SLC25A21: variants seen among roughly 807,000 people sequenced by gnomAD.
The protein encoded by SLC25A21 is solute carrier family 25 member 21.
In SLC25A21, 47 loss-of-function variants were observed where a neutral mutation model predicts 43.8. That is an observed-to-expected ratio of 1.07 (90% CI 0.85 to 1.37). The LOEUF (loss-of-function observed/expected upper bound fraction) is 1.37, where lower values mean the gene tolerates loss of function less well. Ranked by LOEUF, SLC25A21 falls within the 40% of genes most tolerant of loss-of-function variation. SLC25A21 has a pLI of 0.00. For synonymous variants in SLC25A21, 131 were observed against 121.3 expected, an observed-to-expected ratio of 1.08 and a Z score of -0.52; for missense variants, 352 against 350.2, an observed-to-expected ratio of 1.00 and a Z score of -0.04.
At chr14:37,059,046 A>G (rs1961889088) in intron 1 of SLC25A21, among the ~76,000 whole-genome samples, 1 of 152,242 alleles carries the variant, frequency 6.6e-6, no homozygotes, top group Admixed American at 6.5e-5. Context: ...TTGTTACACC[A>G]TAATTATTCA....
chr14:36,724,465 A>T (rs1884507258), intron 6 of SLC25A21, among the ~76,000 whole-genome samples: 1 of 152,204 alleles, frequency 6.6e-6, no homozygotes, highest in Non-Finnish European at 1.5e-5. Flanking sequence ...TTTCCTACAG[A>T]AAGATCAGGT....
At chr14:36,988,489 G>C (rs72667347) in intron 1 of SLC25A21, among the ~76,000 whole-genome samples, 10,698 of 152,120 alleles carry the variant, frequency 0.07, 408 homozygotes, top group Admixed American at 0.083. Flanking sequence ...GGAACATCTG[G>C]GAATATAGAA....
intron 1 of SLC25A21, among the ~76,000 whole-genome samples, chr14:37,137,105 A>G (rs891210198): frequency 1.2e-4 from 18 of 152,052 alleles, no homozygotes; most frequent in African/African-American, 4.3e-4. Context: ...GGTTCACGCC[A>G]CTCTGCCTCA....
At chr14:36,869,227 C>G (rs1890297806) in intron 2 of SLC25A21, among the ~76,000 whole-genome samples, 1 of 152,170 alleles carries the variant, frequency 6.6e-6, no homozygotes, top group African/African-American at 2.4e-5. Flanking sequence ...GTCCTTACCT[C>G]TGGAATTCCT....
intron 1 of SLC25A21, among the ~76,000 whole-genome samples, chr14:36,889,415 T>A (rs1273922331): frequency 1.3e-5 from 2 of 152,226 alleles, no homozygotes; most frequent in Non-Finnish European, 2.9e-5. Context: ...ATACATTTCA[T>A]AACATACATA....
chr14:36,997,428 T>C (rs904094043), intron 1 of SLC25A21, among the ~76,000 whole-genome samples: 1 of 152,164 alleles, frequency 6.6e-6, no homozygotes, highest in East Asian at 1.9e-4. Context: ...GGCAGCTGAA[T>C]GTGGCAATAA....
At chr14:37,060,187 GAA>G (rs1961915171) in intron 1 of SLC25A21, among the ~76,000 whole-genome samples, 1 of 151,792 alleles carries the variant, frequency 6.6e-6, no homozygotes, top group Admixed American at 6.6e-5. Context: ...AGTGTCCTCA[GAA>G]AAGAGAACAC....
chr14:37,119,718 T>A (rs1398121379), intron 1 of SLC25A21, among the ~76,000 whole-genome samples: 1 of 152,218 alleles, frequency 6.6e-6, no homozygotes, highest in Admixed American at 6.5e-5. Context: ...CCCCAAATTC[T>A]TTCTTGTGTG....
At chr14:36,877,244 A>C (rs1290354693) in intron 1 of SLC25A21, among the ~76,000 whole-genome samples, 2 of 152,188 alleles carry the variant, frequency 1.3e-5, no homozygotes, top group Non-Finnish European at 2.9e-5. Context: ...TTTCTCAAAA[A>C]GTTTACCAAA....
chr14:36,777,052 G>T (rs1462302667), intron 3 of SLC25A21, among the ~76,000 whole-genome samples: 1 of 152,192 alleles, frequency 6.6e-6, no homozygotes, highest in Non-Finnish European at 1.5e-5. Flanking sequence ...GAGGTCAGGA[G>T]ATTGAGACCA....
chr14:36,712,458 A>T (rs1417262824), intron 6 of SLC25A21, among the ~76,000 whole-genome samples: 1 of 152,168 alleles, frequency 6.6e-6, no homozygotes, highest in African/African-American at 2.4e-5. Flanking sequence ...CTTTCAGACT[A>T]AAAGTATTTT....
Position 36,939,972 on chromosome 14 carries a change from C to G in SLC25A21, c.71-64968G>C, listed in dbSNP as rs146085557. ...ACGTCATATTTGCTAAAGAGATCTT[C>G]GTCGTCAATAGCAGTCTGCAGTGTA... is the stretch of plus-strand genomic sequence containing the variant. On this transcript the variant is annotated intron_variant, in intron 1 of 9. Coordinates refer to ENST00000331299, the MANE Select transcript of SLC25A21 (RefSeq NM_030631.4). 4.0e-3 allele frequency among the ~76,000 whole-genome samples: 610 copies of G among 152,214 alleles called. 2 individuals carry two copies. The highest frequency in any genetic ancestry group is 5.0e-3 in the Non-Finnish European group (337 of 67,962).
chr14:36,900,379 G>T (rs1406737597), intron 1 of SLC25A21, among the ~76,000 whole-genome samples: 1 of 152,060 alleles, frequency 6.6e-6, no homozygotes, highest in Non-Finnish European at 1.5e-5. Flanking sequence ...CTATCGAGAA[G>T]GTCAGAGCTT....
At chr14:37,149,230 G>A (rs1963717689) in intron 1 of SLC25A21, among the ~76,000 whole-genome samples, 1 of 151,740 alleles carries the variant, frequency 6.6e-6, no homozygotes, top group African/African-American at 2.4e-5. Context: ...CTCCAGCTAT[G>A]AGCTCAAAAT....
intron 3 of SLC25A21, among the ~76,000 whole-genome samples, chr14:36,810,160 A>G (rs896013856): frequency 6.6e-5 from 10 of 152,208 alleles, no homozygotes; most frequent in Non-Finnish European, 1.0e-4. Context: ...GCATGTCCAG[A>G]TCTAAAGGCA....
In SLC25A21 at chr14:36,924,680, A is replaced by T. The variant is rs577072511; in HGVS notation, c.71-49676T>A. On this transcript the variant is annotated intron_variant, in intron 1 of 9. Transcript: ENST00000331299. ...CCCTAGAACTTAAAGTATAATAATT[A>T]AAAAAAGCAATACAACAATAAAAAG... 2.4e-4 allele frequency among the ~76,000 whole-genome samples: 36 copies of T among 150,710 alleles called. No individual in the cohort carries two copies. In the South Asian group the frequency reaches 3.4e-3, roughly 14 times the overall value.
chr14:36,780,720 T>C (rs2138377806), intron 3 of SLC25A21, among the ~76,000 whole-genome samples: 1 of 152,224 alleles, frequency 6.6e-6, no homozygotes, highest in East Asian at 1.9e-4. Flanking sequence ...CTTAAATTTG[T>C]TAAGACTTGT....
At chr14:37,069,495 GATT>G (rs373902221) in intron 1 of SLC25A21, among the ~76,000 whole-genome samples, 7 of 152,262 alleles carry the variant, frequency 4.6e-5, no homozygotes, top group African/African-American at 1.7e-4. Flanking sequence ...AAAAATATAT[GATT>G]ATCATCAGAG....
At chr14:36,803,206 G>C (rs1006040262) in intron 3 of SLC25A21, among the ~76,000 whole-genome samples, 2 of 152,184 alleles carry the variant, frequency 1.3e-5, no homozygotes, top group African/African-American at 4.8e-5. Flanking sequence ...TTTGAAAACA[G>C]GGTTGTAGAC....
Sources: gnomAD v4.1 joint callset for allele counts (sites outside exome capture counted in the v4.1 genomes callset) on GRCh38, gnomAD v4.1.1 for gene constraint, MANE v1.5 for transcripts, NCBI Gene and HGNC (gene_info 2026-07-23, HGNC 2026-07-21) for gene names.